ESD: variants seen among roughly 807,000 people sequenced by gnomAD.
The protein encoded by ESD is S-formylglutathione hydrolase.
A neutral mutation model predicts 38.1 loss-of-function variants in ESD; 34 were observed. The observed-to-expected ratio is 0.89, with a 90% CI of 0.68 to 1.19. The LOEUF (loss-of-function observed/expected upper bound fraction) is 1.19. Among genes scored for constraint, ESD ranks in the 50% most tolerant of loss-of-function variants. The pLI is 0.00. For synonymous variants in ESD, 97 were observed against 107.0 expected (o/e 0.91, Z 0.58); for missense variants, 334 against 327.2 (o/e 1.02, Z -0.16).
Position 46,777,578 on chromosome 13 carries a change from G to C in ESD, c.646C>G (p.Leu216Val). Residue 216 changes from leucine to valine, a missense_variant, in exon 9 of 10, where the codon CTG becomes GTG. Transcript: ENST00000378720. ...TTCCCTTGATCAATTAGTATGTCCA[G>C]CTGAGATCCTGGATAGGATTTCACA... ...HLVKSYPGSQ[L>V]DILIDQGKDD... 1.2e-6 allele frequency: 2 copies of C among 1,610,194 alleles called. No homozygotes were observed. Among genetic ancestry groups the C allele is most frequent in the Non-Finnish European group, 1.7e-6 (2 of 1,177,674 alleles).
At chr13:46,795,927 G>A (rs1875558857) in intron 1 of ESD, among the ~76,000 whole-genome samples, 1 of 151,948 alleles carries the variant, frequency 6.6e-6, no homozygotes. Flanking sequence ...GTAATTTTTT[G>A]TAGAGGAGGT....
intron 9 of ESD, among the ~76,000 whole-genome samples, chr13:46,772,388 CA>C (rs374069455): frequency 2.4e-4 from 36 of 151,070 alleles, no homozygotes; most frequent in African/African-American, 4.8e-4. Context: ...AATAGTCTTC[CA>C]AAAAAAAAAT....
At chr13:46,784,168 T>C in intron 5 of ESD, 84 bp downstream of exon 5, 1 of 1,008,736 alleles carries the variant, frequency 9.9e-7, no homozygotes, top group East Asian at 2.7e-5. Flanking sequence ...TAAAATGAAT[T>C]GTATAATGTA....
chr13:46,774,789 C>T lies in ESD; in HGVS notation c.768+2667G>A, dbSNP rs187318614. ...TCTCTTCAGTGTATAAGGAGGAAGA[C>T]TTTGCACTGTATTCATTTAACAAGT... On this transcript the variant is annotated intron_variant, in intron 9 of 9. Transcript: ENST00000378720. Among the ~76,000 whole-genome samples the T allele has an allele frequency of 1.1e-3, 164 of 152,252 alleles. 1 individual carries two copies. The highest frequency in any genetic ancestry group is 3.8e-3 in the African/African-American group (157 of 41,556).
At position 46,791,438 on chromosome 13, in the gene ESD, T is replaced by C. The variant is rs1216406876; in HGVS notation, c.-7-18A>G. 1.9e-6 allele frequency: 3 copies of C among 1,578,356 alleles called. No individual in the cohort carries two copies. Among genetic ancestry groups the C allele is most frequent in the Non-Finnish European group, 2.6e-6 (3 of 1,155,116 alleles). On this transcript the variant is annotated intron_variant, in intron 2 of 9. Coordinates refer to ENST00000378720, the MANE Select transcript of ESD (RefSeq NM_001984.2). ...TTCTTTTCCTATTAGTAAAGAGTAA[T>C]CTCATTAATTTCCAGAGAATTAGTT...
intron 9 of ESD, chr13:46,776,068 G>C (rs1213407557): frequency 5.9e-6 from 1 of 169,868 alleles, no homozygotes; most frequent in Non-Finnish European, 1.3e-5. Flanking sequence ...AACATGGTTT[G>C]GTACGCACTT....
At chr13:46,786,076 A>G (rs1005521398) in intron 4 of ESD, among the ~76,000 whole-genome samples, 1 of 152,010 alleles carries the variant, frequency 6.6e-6, no homozygotes, top group Non-Finnish European at 1.5e-5. Context: ...TAGCTATACA[A>G]TATTATATTT....
At chr13:46,779,241 G>A (rs1457084859) in intron 8 of ESD, among the ~76,000 whole-genome samples, 2 of 151,562 alleles carry the variant, frequency 1.3e-5, no homozygotes, top group African/African-American at 2.4e-5. Context: ...TTAAAGACTC[G>A]TGTCTGGAAT....
At chr13:46,787,715 T>A (rs1488165358) in intron 3 of ESD, among the ~76,000 whole-genome samples, 3 of 151,990 alleles carry the variant, frequency 2.0e-5, no homozygotes, top group Non-Finnish European at 4.4e-5. Context: ...CCTATCTTTT[T>A]ATCAAAGTTA....
chr13:46,772,744 G>A (rs533824882), intron 9 of ESD, among the ~76,000 whole-genome samples: 1 of 152,048 alleles, frequency 6.6e-6, no homozygotes, highest in East Asian at 1.9e-4. Flanking sequence ...ATGCTGGAGT[G>A]CATGATCTTG....
intron 9 of ESD, chr13:46,775,720 A>G (rs921614859): frequency 2.1e-6 from 1 of 467,136 alleles, no homozygotes; most frequent in African/African-American, 2.0e-5. Context: ...AGAAAATTGC[A>G]CCTGAGCTCA....
At chr13:46,779,240 CGTGTCTG>C (rs760228840) in intron 8 of ESD, among the ~76,000 whole-genome samples, 20 of 151,660 alleles carry the variant, frequency 1.3e-4, no homozygotes, top group Non-Finnish European at 2.4e-4. Flanking sequence ...TTTAAAGACT[CGTGTCTG>C]GAATTTAAAA....
chr13:46,791,012 T>C (rs2138303800), intron 3 of ESD, among the ~76,000 whole-genome samples: 1 of 152,286 alleles, frequency 6.6e-6, no homozygotes, highest in Admixed American at 6.5e-5. Flanking sequence ...GTGCCATCTT[T>C]CTCAAAAAGT....
chr13:46,787,078 C>T lies in ESD; in HGVS notation c.100G>A (p.Val34Ile). The change falls in exon 4 of 10, where the codon GTC (valine) becomes ATC (isoleucine). Residue 34 changes from valine to isoleucine, a missense_variant. Coordinates refer to ENST00000378720, the MANE Select transcript of ESD (RefSeq NM_001984.2). Reference protein sequence around the residue: ...VELNCKMKFAVYLPPKAETGK... With the variant: ...VELNCKMKFAIYLPPKAETGK... ...GTTTCTGCCTTTGGTGGTAAGTAGACAGCAAATTTCATTTTGCAGTTTAGT... is the reference window on the plus strand; with the variant it reads ...GTTTCTGCCTTTGGTGGTAAGTAGATAGCAAATTTCATTTTGCAGTTTAGT... 6.3e-7 allele frequency: 1 copy of T among 1,577,406 alleles called. No homozygotes were observed. Among genetic ancestry groups the T allele is most frequent in the Non-Finnish European group, 8.7e-7 (1 of 1,155,864 alleles).
chr13:46,795,002 T>TA (rs2138309124), intron 1 of ESD, among the ~76,000 whole-genome samples: 1 of 152,352 alleles, frequency 6.6e-6, no homozygotes, highest in East Asian at 1.9e-4. Flanking sequence ...TGGACTCTTC[T>TA]ACCAAGACAT....
At chr13:46,791,864 G>GT (rs952141692) in intron 2 of ESD, among the ~76,000 whole-genome samples, 2 of 151,890 alleles carry the variant, frequency 1.3e-5, no homozygotes, top group Non-Finnish European at 2.9e-5. Context: ...AATGATTTTG[G>GT]TAATAATAAT....
chr13:46,793,972 A>C (rs538409633), intron 1 of ESD, among the ~76,000 whole-genome samples: 5 of 152,210 alleles, frequency 3.3e-5, no homozygotes, highest in Non-Finnish European at 5.9e-5. Flanking sequence ...AGTGACTGAT[A>C]TTCAGTAAGA....
chr13:46,772,286 TTCTA>T (rs1398255536), intron 9 of ESD, among the ~76,000 whole-genome samples: 5 of 152,304 alleles, frequency 3.3e-5, no homozygotes, highest in Non-Finnish European at 5.9e-5. Context: ...TGAAAGAGAT[TTCTA>T]TCTATCCAGT....
intron 4 of ESD, 53 bp from the exon 5 acceptor site, chr13:46,784,403 C>A: frequency 7.9e-7 from 1 of 1,267,754 alleles, no homozygotes; most frequent in Non-Finnish European, 1.1e-6. Context: ...AGATGTGCAC[C>A]ATTAATACTG....
Sources: allele counts gnomAD v4.1 joint callset (sites outside exome capture counted in the v4.1 genomes callset), GRCh38; gene constraint gnomAD v4.1.1; transcripts MANE v1.5; gene names NCBI Gene and HGNC (gene_info 2026-07-23, HGNC 2026-07-21).